GPC5: variants seen among roughly 807,000 people sequenced by gnomAD.
GPC5 encodes the protein glypican 5.
In GPC5, 47 loss-of-function variants were observed where a neutral mutation model predicts 53.9. The ratio of observed to expected loss-of-function variants is 0.87; its 90% CI spans 0.69 to 1.11. The LOEUF is 1.11. GPC5 is among the 50% of genes most tolerant of loss of function. The pLI is 0.00. For synonymous variants in GPC5, 286 were observed against 263.3 expected (o/e 1.09, Z -0.84); for missense variants, 748 against 713.1 (o/e 1.05, Z -0.56).
At chr13:92,471,641 G>T (rs9301814) in intron 7 of GPC5, among the ~76,000 whole-genome samples, 11,505 of 151,936 alleles carry the variant, frequency 0.076, 513 homozygotes, top group African/African-American at 0.13. Flanking sequence ...CATATATATA[G>T]AGAGAGAGGG....
At chr13:92,389,778 CA>C (rs1335755206) in intron 7 of GPC5, among the ~76,000 whole-genome samples, 2 of 152,144 alleles carry the variant, frequency 1.3e-5, no homozygotes, top group African/African-American at 4.8e-5. Flanking sequence ...AATGTATGAA[CA>C]CACTGATATT....
At chr13:91,735,344 C>A (rs1417788173) in intron 4 of GPC5, among the ~76,000 whole-genome samples, 2 of 151,034 alleles carry the variant, frequency 1.3e-5, no homozygotes, top group Admixed American at 1.3e-4. Context: ...ATCCTTTCCC[C>A]CTTTGTGTTC....
At chr13:92,449,438 A>T (rs1877968548) in intron 7 of GPC5, among the ~76,000 whole-genome samples, 2 of 152,178 alleles carry the variant, frequency 1.3e-5, no homozygotes, top group African/African-American at 4.8e-5. Flanking sequence ...AGAGAATGGA[A>T]AATCCATATT....
chr13:91,993,549 T>C (rs2040476277), intron 6 of GPC5, among the ~76,000 whole-genome samples: 1 of 152,216 alleles, frequency 6.6e-6, no homozygotes, highest in Non-Finnish European at 1.5e-5. Context: ...AAACACGTTT[T>C]GTCAGATCAA....
intron 2 of GPC5, among the ~76,000 whole-genome samples, chr13:91,595,517 A>T (rs2032962626): frequency 6.6e-6 from 1 of 152,072 alleles, no homozygotes; most frequent in African/African-American, 2.4e-5. Flanking sequence ...TTTCTAATAT[A>T]TGAAGTTTTT....
intron 6 of GPC5, among the ~76,000 whole-genome samples, chr13:92,084,465 G>T (rs1225156914): frequency 1.3e-5 from 2 of 152,190 alleles, no homozygotes; most frequent in African/African-American, 4.8e-5. Flanking sequence ...AGTTGAGTCT[G>T]GGCTCTGGCC....
intron 7 of GPC5, among the ~76,000 whole-genome samples, chr13:92,360,452 A>C (rs1055841935): frequency 2.0e-5 from 3 of 151,676 alleles, no homozygotes; most frequent in Admixed American, 6.6e-5. Context: ...AACTCTCAAT[A>C]ATTTACATAT....
At chr13:92,098,508 A>ATTAAGGTAT (rs1240576845) in intron 6 of GPC5, among the ~76,000 whole-genome samples, 2 of 152,202 alleles carry the variant, frequency 1.3e-5, no homozygotes, top group African/African-American at 4.8e-5. Flanking sequence ...TTGAAATAGA[A>ATTAAGGTAT]TTAAGGTATT....
chr13:92,026,609 T>A (rs1376215885), intron 6 of GPC5, among the ~76,000 whole-genome samples: 1 of 152,082 alleles, frequency 6.6e-6, no homozygotes, highest in East Asian at 1.9e-4. Flanking sequence ...AATTGAATTA[T>A]ATTGATACTT....
At chr13:92,237,311 C>T (rs1420378165) in intron 7 of GPC5, among the ~76,000 whole-genome samples, 2 of 152,106 alleles carry the variant, frequency 1.3e-5, no homozygotes, top group Non-Finnish European at 2.9e-5. Context: ...CCTCCGCCTC[C>T]CAAGTTCAAG....
At chr13:91,759,412 A>G (rs1027129170) in intron 5 of GPC5, among the ~76,000 whole-genome samples, 4 of 152,110 alleles carry the variant, frequency 2.6e-5, no homozygotes, top group Non-Finnish European at 5.9e-5. Context: ...TTTAAAATGT[A>G]CAATAAATTA....
At chr13:91,832,428 A>T (rs566171053) in intron 5 of GPC5, among the ~76,000 whole-genome samples, 45 of 149,970 alleles carry the variant, frequency 3.0e-4, no homozygotes, top group Non-Finnish European at 5.5e-4. Flanking sequence ...GGTCTTGACT[A>T]TCCAATTTGC....
At chr13:92,157,635 C>T (rs1048311547) in intron 7 of GPC5, among the ~76,000 whole-genome samples, 29 of 152,022 alleles carry the variant, frequency 1.9e-4, no homozygotes, top group African/African-American at 6.8e-4. Flanking sequence ...AAGTTAGGGG[C>T]TTATGTTAGG....
intron 7 of GPC5, among the ~76,000 whole-genome samples, chr13:92,513,974 C>A (rs1196110267): frequency 1.3e-5 from 2 of 152,038 alleles, no homozygotes; most frequent in African/African-American, 2.4e-5. Context: ...CAGATTAAAG[C>A]TGCTCAACTT....
chr13:92,723,210 T>C (rs1888550200), intron 7 of GPC5, among the ~76,000 whole-genome samples: 1 of 151,682 alleles, frequency 6.6e-6, no homozygotes, highest in Admixed American at 6.6e-5. Context: ...AAATTAAATT[T>C]TCATAATTCA....
chr13:92,459,652 C>T (rs896375741), intron 7 of GPC5, among the ~76,000 whole-genome samples: 24 of 152,156 alleles, frequency 1.6e-4, no homozygotes, highest in African/African-American at 4.8e-5. Context: ...TTTGAATGCA[C>T]ATATTAGTTC....
In GPC5 at chr13:91,693,591, T is replaced by G. The variant is rs148285243; in HGVS notation, c.730T>G (p.Phe244Val). The G allele has an allele frequency of 1.2e-4, 188 of 1,614,130 alleles. 1 individual carries two copies. In the African/African-American group the frequency reaches 2.2e-3, roughly 19 times the overall value. Residue 244 changes from phenylalanine (F) to valine (V), a missense_variant, in exon 3 of 8, where the codon TTC (phenylalanine) becomes GTC (valine). Physicochemically the swap from Phe to Val is conservative, Grantham distance 50. Transcript: ENST00000377067. The stretch of plus-strand genomic sequence containing the variant: ...CATCAACACCACAGACTATCTGCAC[T>G]TCTCCAAAGAGTGCAGCAGAGCCCT... Reference protein sequence around the residue: ...EVINTTDYLHFSKECSRALLK... With the variant: ...EVINTTDYLHVSKECSRALLK...
At chr13:91,989,396 A>G (rs771500432) in intron 6 of GPC5, among the ~76,000 whole-genome samples, 3 of 152,248 alleles carry the variant, frequency 2.0e-5, no homozygotes, top group Admixed American at 1.3e-4. Flanking sequence ...AATCAAAAGA[A>G]GAAATTGAAC....
chr13:92,356,217 A>G (rs895465086), intron 7 of GPC5, among the ~76,000 whole-genome samples: 1 of 152,172 alleles, frequency 6.6e-6, no homozygotes, highest in African/African-American at 2.4e-5. Flanking sequence ...TTAGTCCATA[A>G]CATGACCAAA....
Sources: gnomAD v4.1 joint callset for allele counts (sites outside exome capture counted in the v4.1 genomes callset) on GRCh38, gnomAD v4.1.1 for gene constraint, MANE v1.5 for transcripts, NCBI Gene and HGNC (gene_info 2026-07-23, HGNC 2026-07-21) for gene names.